Variants in ASTN2 observed in about 807,000 individuals in gnomAD.
The protein encoded by ASTN2 is astrotactin 2.
A neutral mutation model predicts 139.8 loss-of-function variants in ASTN2; 54 were observed. The ratio of observed to expected loss-of-function variants is 0.39; its 90% CI spans 0.31 to 0.48. The LOEUF (loss-of-function observed/expected upper bound fraction) is 0.48. Among genes scored for constraint, ASTN2 ranks in the 20% least tolerant of loss-of-function variants. The pLI, the probability that ASTN2 is intolerant of heterozygous loss-of-function variation, is 0.95. For missense variants in ASTN2, 1,565 were observed against 1,725.1 expected, an observed-to-expected ratio of 0.91 and a Z score of 1.64; for synonymous variants, 756 against 719.5, an observed-to-expected ratio of 1.05 and a Z score of -0.81.
chr9:116,926,187 C>T (rs1038319765), intron 10 of ASTN2, among the ~76,000 whole-genome samples: 2 of 152,172 alleles, frequency 1.3e-5, no homozygotes, highest in East Asian at 1.9e-4. Flanking sequence ...TCAAATACTA[C>T]AGTGTCTAAG....
At chr9:117,353,546 T>C (rs1015864962) in intron 1 of ASTN2, among the ~76,000 whole-genome samples, 5 of 152,198 alleles carry the variant, frequency 3.3e-5, no homozygotes, top group African/African-American at 4.8e-5. Flanking sequence ...GGAGGCCTTA[T>C]AGCAAAATGA....
chr9:117,015,192 GT>G (rs202192806), intron 6 of ASTN2, among the ~76,000 whole-genome samples: 3 of 151,954 alleles, frequency 2.0e-5, no homozygotes, highest in Non-Finnish European at 2.9e-5. Flanking sequence ...AATTTTTTGT[GT>G]TTTTTTGTAG....
chr9:116,703,605 T>C (rs888201147), intron 16 of ASTN2, among the ~76,000 whole-genome samples: 9 of 151,164 alleles, frequency 6.0e-5, no homozygotes, highest in South Asian at 2.1e-4. Flanking sequence ...AGGGGTAGCA[T>C]TGGGAGATAT....
intron 2 of ASTN2, among the ~76,000 whole-genome samples, chr9:117,217,828 G>A (rs913809790): frequency 6.6e-6 from 1 of 152,220 alleles, no homozygotes; most frequent in Non-Finnish European, 1.5e-5. Context: ...AGGAATGAAT[G>A]ACTTGAGTTT....
rs1034704443 is a variant in ASTN2, at chr9:116,484,815, G to A, written c.3497+2544C>T. ...AGGAGGGGTGGTGTCAGGCAGTGAG[G>A]AAAAGAAGGGGCAAAGGAAAGTGTT... On this transcript the variant is annotated intron_variant, in intron 20 of 22. Coordinates refer to ENST00000313400, the MANE Select transcript of ASTN2 (RefSeq NM_001365068.1). Among the ~76,000 whole-genome samples the A allele has an allele frequency of 2.6e-5, 4 of 152,310 alleles. No individual in the cohort carries two copies. The South Asian group carries it at 6.2e-4, about 24-fold the overall frequency.
chr9:116,874,594 G>T (rs1833248378), intron 10 of ASTN2, among the ~76,000 whole-genome samples: 1 of 152,138 alleles, frequency 6.6e-6, no homozygotes, highest in African/African-American at 2.4e-5. Flanking sequence ...AGAGTTAAAA[G>T]ATATGAAAGT....
chr9:116,901,178 T>C (rs901222556), intron 10 of ASTN2, among the ~76,000 whole-genome samples: 14 of 152,108 alleles, frequency 9.2e-5, no homozygotes, highest in Non-Finnish European at 4.4e-5. Context: ...TCACCTTATA[T>C]GCCCATATGC....
intron 16 of ASTN2, among the ~76,000 whole-genome samples, chr9:116,652,888 G>A (rs1857999246): frequency 6.6e-6 from 1 of 152,004 alleles, no homozygotes; most frequent in African/African-American, 2.4e-5. Flanking sequence ...TTCCACCTCT[G>A]TGCCTTTGCT....
At chr9:117,196,169 G>A (rs981714209) in intron 3 of ASTN2, among the ~76,000 whole-genome samples, 16 of 152,070 alleles carry the variant, frequency 1.1e-4, no homozygotes, top group Non-Finnish European at 2.1e-4. Flanking sequence ...GTGTTACCTT[G>A]AGCAAGTTAC....
chr9:116,641,230 G>T (rs1857313178), intron 17 of ASTN2, among the ~76,000 whole-genome samples: 1 of 152,146 alleles, frequency 6.6e-6, no homozygotes, highest in African/African-American at 2.4e-5. Flanking sequence ...GAAATGAAGA[G>T]ACAGTAGCTG....
At chr9:117,291,565 C>G in intron 1 of ASTN2, 52 bp from the exon 2 acceptor site, 1 of 1,509,584 alleles carries the variant, frequency 6.6e-7, no homozygotes, top group African/African-American at 1.4e-5. Context: ...GGCCTTGGTG[C>G]TCCAGGGAGG....
chr9:117,055,952 C>T (rs1186813260), intron 5 of ASTN2, among the ~76,000 whole-genome samples: 1 of 152,246 alleles, frequency 6.6e-6, no homozygotes, highest in Non-Finnish European at 1.5e-5. Context: ...GCTCTTTTTA[C>T]TTTCTTGCTC....
At chr9:116,601,801 C>T (rs1854914779) in intron 19 of ASTN2, among the ~76,000 whole-genome samples, 2 of 152,092 alleles carry the variant, frequency 1.3e-5, no homozygotes, top group African/African-American at 2.4e-5. Context: ...ATTACAGATG[C>T]TTATAGTCAG....
chr9:117,179,064 C>T (rs1335652103), intron 3 of ASTN2, among the ~76,000 whole-genome samples: 1 of 152,184 alleles, frequency 6.6e-6, no homozygotes, highest in Non-Finnish European at 1.5e-5. Context: ...CCTTAACAGT[C>T]TATATGACAC....
intron 4 of ASTN2, among the ~76,000 whole-genome samples, chr9:117,136,533 C>T (rs1010846382): frequency 2.0e-5 from 3 of 151,982 alleles, no homozygotes; most frequent in African/African-American, 7.3e-5. Context: ...TCAAGAGGCC[C>T]CCAGTGCAAG....
intron 22 of ASTN2, among the ~76,000 whole-genome samples, chr9:116,438,000 T>C (rs149127478): frequency 6.0e-4 from 92 of 152,324 alleles, no homozygotes; most frequent in African/African-American, 2.1e-3. Flanking sequence ...TGTCAAACTC[T>C]GCACAACTCT....
intron 19 of ASTN2, among the ~76,000 whole-genome samples, chr9:116,491,797 A>T (rs1849525533): frequency 6.6e-6 from 1 of 152,208 alleles, no homozygotes; most frequent in East Asian, 1.9e-4. Context: ...ACAATATAAC[A>T]TACTCTGCAT....
intron 11 of ASTN2, among the ~76,000 whole-genome samples, chr9:116,844,955 T>C (rs565804710): frequency 6.6e-6 from 1 of 152,130 alleles, no homozygotes; most frequent in Non-Finnish European, 1.5e-5. Context: ...GGCCCACACT[T>C]CTATGAGATT....
chr9:117,204,898 AAAGG>A (rs538556634), intron 3 of ASTN2, among the ~76,000 whole-genome samples: 150 of 92,630 alleles, frequency 1.6e-3, no homozygotes, highest in African/African-American at 4.9e-3. Flanking sequence ...TCTTTTAGAC[AAAGG>A]AAGCATGATG....
Sources: allele counts gnomAD v4.1 joint callset (sites outside exome capture counted in the v4.1 genomes callset), GRCh38; gene constraint gnomAD v4.1.1; transcripts MANE v1.5; gene names NCBI Gene and HGNC (gene_info 2026-07-23, HGNC 2026-07-21).